BCL2L11: variants seen among roughly 807,000 people sequenced by gnomAD.
BCL2L11 encodes BCL2 like 11.
BCL2L11 carries 15 observed loss-of-function variants against 20.6 expected under a neutral mutation model. The ratio of observed to expected loss-of-function variants is 0.73; its 90% CI spans 0.49 to 1.12. BCL2L11 has a LOEUF of 1.12. BCL2L11 is among the 50% of genes most tolerant of loss of function. BCL2L11 has a pLI of 0.00. For missense variants in BCL2L11, 292 were observed against 260.9 expected (o/e 1.12, Z -0.82); for synonymous variants, 108 against 92.8 (o/e 1.16, Z -0.94).
chr2:111,131,811 G>A (rs1416868981), intron 2 of BCL2L11: 1 of 152,148 alleles, frequency 6.6e-6, no homozygotes, highest in Non-Finnish European at 1.5e-5. Context: ...GGGCTTATGA[G>A]CCATAGGGAA....
At chr2:111,150,896 TTGTTTGTTTGTG>T (rs1004667519) in intron 3 of BCL2L11, among the ~76,000 whole-genome samples, 10 of 123,346 alleles carry the variant, frequency 8.1e-5, no homozygotes, top group African/African-American at 1.8e-4. Flanking sequence ...GTTTGTTTGT[TTGTTTGTTTGTG>T]TGTGTGTTTG....
Position 111,154,349 on chromosome 2 carries a change from C to T in BCL2L11, c.498+4202C>T, listed in dbSNP as rs563064349. 5.6e-5 allele frequency among the ~76,000 whole-genome samples: 8 copies of T among 144,068 alleles called. No homozygotes were observed. The South Asian group carries it at 1.7e-3, about 31-fold the overall frequency. The allele number at this position is 144,068 out of a possible 152,430, so 94.5% of individuals were successfully genotyped here. ...TACCACTTGTCCCAACAATGCCCTT[C>T]TCAGAAAAAAAAAAAAAAAAGAAAA... is the stretch of plus-strand genomic sequence containing the variant. On this transcript the variant is annotated intron_variant, in intron 3 of 3. Transcript: ENST00000393256.
At chr2:111,156,522 G>A (rs916309953) in intron 3 of BCL2L11, among the ~76,000 whole-genome samples, 59 of 152,190 alleles carry the variant, frequency 3.9e-4, no homozygotes, top group African/African-American at 1.4e-3. Context: ...CCCCGTTTCC[G>A]TCCCAGAAGT....
chr2:111,135,363 G>A (rs917621487), intron 2 of BCL2L11, among the ~76,000 whole-genome samples: 1 of 152,094 alleles, frequency 6.6e-6, no homozygotes, highest in Non-Finnish European at 1.5e-5. Context: ...ACAAAAGAGG[G>A]GCCCCAGTGC....
intron 3 of BCL2L11, 89 bp downstream of exon 3, chr2:111,150,236 A>G: frequency 1.3e-6 from 2 of 1,531,880 alleles, no homozygotes; most frequent in South Asian, 1.2e-5. Flanking sequence ...TCTTGTAACT[A>G]CATGCTAATT....
At position 111,147,346 on chromosome 2, in the gene BCL2L11, T is replaced by TCTCTCTCACACA. The variant is rs760779894; in HGVS notation, c.395-2697_395-2696insTCTCTCACACAC. Among the ~76,000 whole-genome samples, 215 of 137,400 alleles carry TCTCTCTCACACA rather than the reference T, an allele frequency of 1.6e-3. 1 individual carries two copies. The highest frequency in any genetic ancestry group is 5.0e-3 in the African/African-American group (174 of 34,956). The allele number at this position is 137,400 out of a possible 152,430, so 90.1% of individuals were successfully genotyped here. A position where few individuals can be genotyped will look rare whatever the true frequency, so the allele number is the denominator to read the frequency against. On this transcript the variant is annotated intron_variant, in intron 2 of 3. Coordinates refer to ENST00000393256, the MANE Select transcript of BCL2L11 (RefSeq NM_138621.5). Reference sequence around the variant, plus strand: ...TCCTGTATCTCTCTCTCTCTCTCTCTCACACACACACACACACACACACAC... The same window carrying TCTCTCTCACACA: ...TCCTGTATCTCTCTCTCTCTCTCTCTCTCTCTCACACACACACACACACACACACACACACAC...
Position 111,165,568 on chromosome 2 carries a change from T to C in BCL2L11, c.*1337T>C, listed in dbSNP as rs1300756904. ...GTCAGGCCACTTGTGACCCCAGCCA[T>C]GTAGTGAGGGTGCTCTTTCTCTGTG... On this transcript the variant is annotated 3_prime_UTR_variant, in exon 4 of 4. Coordinates refer to ENST00000393256, the MANE Select transcript of BCL2L11 (RefSeq NM_138621.5). 1 of 152,180 alleles carries C rather than the reference T, an allele frequency of 6.6e-6. No homozygotes were observed. Among genetic ancestry groups the C allele is most frequent in the Non-Finnish European group, 1.5e-5 (1 of 68,048 alleles). The allele number at this position is 152,180 out of a possible 1,614,324, so 9.4% of individuals were successfully genotyped here.
intron 2 of BCL2L11, among the ~76,000 whole-genome samples, chr2:111,136,651 G>A (rs1262086271): frequency 6.6e-6 from 1 of 152,128 alleles, no homozygotes; most frequent in African/African-American, 2.4e-5. Flanking sequence ...CCACTTAGAC[G>A]GCACCTTCGA....
At chr2:111,125,521 GC>G (rs1459004034) in intron 2 of BCL2L11, among the ~76,000 whole-genome samples, 1 of 152,162 alleles carries the variant, frequency 6.6e-6, no homozygotes, top group Admixed American at 6.5e-5. Flanking sequence ...CATGATGAAG[GC>G]TAACTCAACA....
At position 111,128,902 on chromosome 2, in the gene BCL2L11, G is replaced by A. The variant is rs2073276115; in HGVS notation, c.394+4763G>A. On this transcript the variant is annotated intron_variant, in intron 2 of 3. Transcript: ENST00000393256. ...TGGCTACTAGAAAAATGCACAATTA[G>A]ATTTGTGGCTGGTGTTCTGTTTCAT... The A allele has an allele frequency of 7.1e-6, 9 of 1,272,876 alleles. No homozygotes were observed. In the South Asian group the frequency reaches 1.4e-4, roughly 20 times the overall value. The allele number at this position is 1,272,876 out of a possible 1,614,324, so 78.8% of individuals were successfully genotyped here.
intron 2 of BCL2L11, among the ~76,000 whole-genome samples, chr2:111,135,538 CA>C (rs1438706814): frequency 2.0e-5 from 3 of 151,746 alleles, no homozygotes; most frequent in African/African-American, 4.9e-5. Flanking sequence ...CTGACCCCAC[CA>C]GGGGTGGGGG....
At chr2:111,136,449 T>A (rs957745871) in intron 2 of BCL2L11, among the ~76,000 whole-genome samples, 1 of 152,212 alleles carries the variant, frequency 6.6e-6, no homozygotes, top group African/African-American at 2.4e-5. Flanking sequence ...GGGAGATGGC[T>A]CCTCCACCTT....
intron 2 of BCL2L11, among the ~76,000 whole-genome samples, chr2:111,124,541 C>A (rs2072086333): frequency 6.6e-6 from 1 of 152,200 alleles, no homozygotes; most frequent in African/African-American, 2.4e-5. Flanking sequence ...CTGCCTGTCT[C>A]AGCCTCCCAA....
In BCL2L11 at chr2:111,124,539, C is replaced by T. The variant is rs186593250; in HGVS notation, c.394+400C>T. Among the ~76,000 whole-genome samples the T allele has an allele frequency of 6.9e-3, 1,044 of 152,308 alleles. 40 individuals are homozygous for T. The highest frequency in any genetic ancestry group is 0.061 in the Admixed American group (930 of 15,298). Reference sequence around the variant, plus strand: ...TCTCCTGACCTTGTAATCTGCCTGTCTCAGCCTCCCAAAGTGCTGGGATTA... The same window carrying T: ...TCTCCTGACCTTGTAATCTGCCTGTTTCAGCCTCCCAAAGTGCTGGGATTA... On this transcript the variant is annotated intron_variant, in intron 2 of 3. Coordinates refer to ENST00000393256, the MANE Select transcript of BCL2L11 (RefSeq NM_138621.5).
intron 1 of BCL2L11, chr2:111,122,938 G>A: frequency 3.0e-6 from 3 of 985,592 alleles, no homozygotes; most frequent in Non-Finnish European, 3.6e-6. Flanking sequence ...GTTTCGGTGT[G>A]ATTGCCTTCT....
chr2:111,123,412 A>C (rs753822687), intron 1 of BCL2L11: 2 of 985,358 alleles, frequency 2.0e-6, no homozygotes, highest in Non-Finnish European at 2.4e-6. Flanking sequence ...ACTTACTCGA[A>C]GAAGTCTGTC....
chr2:111,150,079 C>T lies in BCL2L11; in HGVS notation c.430C>T (p.Pro144Ser). ...MRQAEPADMR[P>S]EIWIAQELRR... ...GCAGGCTGAACCTGCAGATATGCGC[C>T]CAGAGATATGGATCGCCCAAGAGTT... The change falls in exon 3 of 4, where the codon CCA becomes TCA. Residue 144 changes from proline to serine, a missense_variant. Transcript: ENST00000393256. The T allele has an allele frequency of 6.2e-7, 1 of 1,614,016 alleles. No individual in the cohort carries two copies. The highest frequency in any genetic ancestry group is 8.5e-7 in the Non-Finnish European group (1 of 1,179,948).
At chr2:111,132,383 C>G (rs1157471455) in intron 2 of BCL2L11, 1 of 152,148 alleles carries the variant, frequency 6.6e-6, no homozygotes, top group East Asian at 1.9e-4. Flanking sequence ...ATTCAGGATG[C>G]AGTTTGAGTT....
chr2:111,163,986 G>T, intron 3 of BCL2L11, 147 bp from the exon 4 acceptor site: 1 of 599,164 alleles, frequency 1.7e-6, no homozygotes, highest in Non-Finnish European at 3.0e-6. Context: ...TCTCTGGGAG[G>T]CATCGTGCTT....
Sources: gnomAD v4.1 joint callset for allele counts (sites outside exome capture counted in the v4.1 genomes callset) on GRCh38, gnomAD v4.1.1 for gene constraint, MANE v1.5 for transcripts, NCBI Gene and HGNC (gene_info 2026-07-23, HGNC 2026-07-21) for gene names.